SAMD11: variants seen among roughly 807,000 people sequenced by gnomAD.
The protein encoded by SAMD11 is sterile alpha motif domain-containing protein 11.
A neutral mutation model predicts 64.4 loss-of-function variants in SAMD11; 77 were observed. That is an observed-to-expected ratio of 1.20 (90% confidence interval 0.99 to 1.44). The LOEUF (loss-of-function observed/expected upper bound fraction) is 1.44, where lower values mean the gene tolerates loss of function less well. SAMD11 is among the 40% of genes most tolerant of loss of function. The pLI, the probability that SAMD11 is intolerant of heterozygous loss-of-function variation, is 0.00. For synonymous variants in SAMD11, 658 were observed against 421.9 expected (o/e 1.56, Z -6.86); for missense variants, 1,402 against 943.3 (o/e 1.49, Z -6.37).
Position 924,372 on chromosome 1 carries a change from C to T in SAMD11, c.-60C>T, listed in dbSNP as rs1174425133. The T allele has an allele frequency of 4.0e-5, 6 of 149,444 alleles. No individual in the cohort carries two copies. Among genetic ancestry groups the T allele is most frequent in the African/African-American group, 4.9e-5 (2 of 41,134 alleles). 9.3% of individuals were successfully genotyped at this position (149,444 alleles called of 1,614,324 possible). A position where few individuals can be genotyped will look rare whatever the true frequency, so the allele number is the denominator to read the frequency against. The stretch of plus-strand genomic sequence containing the variant: ...CGGCCCCCGCGACCCAACTCCAGCC[C>T]GGGCCGGAATAAGTTGCTGCCGCCG... On this transcript the variant is annotated 5_prime_UTR_variant, in exon 1 of 14. Transcript: ENST00000616016.
intron 11 of SAMD11, 94 bp downstream of exon 11, chr1:943,152 G>A (rs748333211): frequency 1.1e-5 from 17 of 1,586,492 alleles, no homozygotes; most frequent in South Asian, 2.3e-5. Context: ...TTCCCCTTAG[G>A]CACCCATCCC....
chr1:925,849 T>TA (rs1168211969), intron 1 of SAMD11, 73 bp from the exon 2 acceptor site: 1 of 1,057,926 alleles, frequency 9.5e-7, no homozygotes, highest in Admixed American at 1.7e-5. Context: ...GGGGAGGGGG[T>TA]ACTGGCCCTG....
intron 2 of SAMD11, among the ~76,000 whole-genome samples, chr1:927,685 A>G (rs1257899605): frequency 1.3e-5 from 2 of 152,244 alleles, no homozygotes; most frequent in African/African-American, 2.4e-5. Flanking sequence ...ATGAGTGTGT[A>G]TGTGCCTTGG....
chr1:942,051 T>C, intron 8 of SAMD11, 85 bp from the exon 9 acceptor site: 1 of 453,362 alleles, frequency 2.2e-6, no homozygotes, highest in Non-Finnish European at 3.9e-6. Context: ...GGCCGGCAAT[T>C]AGCGGAGGCG....
intron 2 of SAMD11, among the ~76,000 whole-genome samples, chr1:927,584 A>G (rs1640955206): frequency 2.0e-5 from 3 of 152,204 alleles, no homozygotes; most frequent in Non-Finnish European, 2.9e-5. Context: ...TCCAGCCCCC[A>G]TGTTTCTTAC....
Position 943,381 on chromosome 1 carries a change from AG to A in SAMD11, c.2178+11del, listed in dbSNP as rs35755565. On this transcript the variant is annotated splice_donor_5th_base_variant and intron_variant, in intron 12 of 13. Coordinates refer to ENST00000616016, the MANE Select transcript of SAMD11 (RefSeq NM_001385641.1). ...TGGCTGTGGAGAGTACACTCGGGTA[AG>A]GGGGGGCCCCAGTTCCTGGGGCGGG... 94 of 1,534,748 alleles carry A rather than the reference AG, an allele frequency of 6.1e-5. No homozygotes were observed. The highest frequency in any genetic ancestry group is 1.6e-4 in the South Asian group (13 of 79,986).
Position 944,451 on chromosome 1 carries a change from G to A in SAMD11, c.*298G>A. 1.1e-6 allele frequency: 1 copy of A among 886,928 alleles called. No homozygotes were observed. Among genetic ancestry groups the A allele is most frequent in the Non-Finnish European group, 1.6e-6 (1 of 625,008 alleles). The allele number at this position is 886,928 out of a possible 1,614,324, so 54.9% of individuals were successfully genotyped here. A position where few individuals can be genotyped will look rare whatever the true frequency, so the allele number is the denominator to read the frequency against. Reference sequence around the variant, plus strand: ...TCTCGGTCTGCTGACGTCAGGGTCAGCTCCCCCGCGGAGCTGACTTCAGCA... The same window carrying A: ...TCTCGGTCTGCTGACGTCAGGGTCAACTCCCCCGCGGAGCTGACTTCAGCA... On this transcript the variant is annotated 3_prime_UTR_variant, in exon 14 of 14. Coordinates refer to ENST00000616016, the MANE Select transcript of SAMD11 (RefSeq NM_001385641.1).
At chr1:943,494 G>C in intron 12 of SAMD11, 117 bp downstream of exon 12, 1 of 1,020,940 alleles carries the variant, frequency 9.8e-7, no homozygotes. Context: ...CCCAAAAGCA[G>C]TGCGCAGCAG....
intron 5 of SAMD11, among the ~76,000 whole-genome samples, chr1:937,703 GC>G (rs1367572227): frequency 6.6e-6 from 1 of 152,046 alleles, no homozygotes; most frequent in Non-Finnish European, 1.5e-5. Context: ...GGTGCCCCCC[GC>G]CGCCCGCCGG....
intron 7 of SAMD11, among the ~76,000 whole-genome samples, chr1:940,914 G>C (rs1557608645): frequency 6.6e-6 from 1 of 152,206 alleles, no homozygotes; most frequent in Non-Finnish European, 1.5e-5. Context: ...CAGGCACCCG[G>C]CTCCCCTTCG....
rs1023367421 is a variant in SAMD11 at position 943,065 on chromosome 1, A to AC, written c.2053+12dup. The AC allele has an allele frequency of 1.3e-6, 2 of 1,534,552 alleles. No homozygotes were observed. The highest frequency in any genetic ancestry group is 2.0e-5 in the Admixed American group (1 of 49,800). On this transcript the variant is annotated splice_region_variant and intron_variant, in intron 11 of 13. Coordinates refer to ENST00000616016, the MANE Select transcript of SAMD11 (RefSeq NM_001385641.1). ...AGCCCCTACTTCCACACAGGTGGGC[A>AC]CCCCCACACTCTAGATCCTTCCAGA...
intron 5 of SAMD11, among the ~76,000 whole-genome samples, chr1:937,132 G>A (rs922325915): frequency 2.0e-5 from 3 of 152,134 alleles, no homozygotes; most frequent in African/African-American, 7.2e-5. Flanking sequence ...GGTCTGGCCC[G>A]CTCCCCGGAG....
Position 944,410 on chromosome 1 carries a change from C to G in SAMD11, c.*257C>G. The G allele has an allele frequency of 8.6e-7, 1 of 1,161,548 alleles. No individual in the cohort carries two copies. Among genetic ancestry groups the G allele is most frequent in the Non-Finnish European group, 1.1e-6 (1 of 903,684 alleles). 72.0% of individuals were successfully genotyped at this position (1,161,548 alleles called of 1,614,324 possible). A position where few individuals can be genotyped will look rare whatever the true frequency, so the allele number is the denominator to read the frequency against. On this transcript the variant is annotated 3_prime_UTR_variant, in exon 14 of 14. Transcript: ENST00000616016. ...GGGCCAGGGGCCTGCAGGCCTCCCC[C>G]TGGAACTGGGACTGGTCTCGGTCTG...
At chr1:930,429 G>A in intron 3 of SAMD11, 93 bp downstream of exon 3, 1 of 1,340,642 alleles carries the variant, frequency 7.5e-7, no homozygotes, top group Non-Finnish European at 1.0e-6. Context: ...GTCCACACCG[G>A]CCTCCCACAC....
chr1:942,226 G>A lies in SAMD11; in HGVS notation c.1449G>A (p.Val483=). 2 of 1,351,862 alleles carry A rather than the reference G, an allele frequency of 1.5e-6. No individual in the cohort carries two copies. 83.7% of individuals were successfully genotyped at this position (1,351,862 alleles called of 1,614,324 possible). A position where few individuals can be genotyped will look rare whatever the true frequency, so the allele number is the denominator to read the frequency against. The change falls in exon 9 of 14, where the codon GTG becomes GTA. Residue 483 remains valine, a synonymous_variant. Transcript: ENST00000616016. ...GPHLRPPFLG[V]PSALCQTPGY... ...ATCTCAGGCCCCCCTTCCTGGGGGT[G>A]CCCTCGGCTCTGTGCCAGACCCCAG...
chr1:929,824 G>A (rs1303675553), intron 2 of SAMD11, among the ~76,000 whole-genome samples: 1 of 152,194 alleles, frequency 6.6e-6, no homozygotes, highest in Non-Finnish European at 1.5e-5. Context: ...CAAGGGCTGG[G>A]CCAACCAGGC....
intron 7 of SAMD11, among the ~76,000 whole-genome samples, chr1:939,671 G>T (rs577063649): frequency 1.3e-5 from 2 of 152,176 alleles, no homozygotes; most frequent in African/African-American, 4.8e-5. Flanking sequence ...TATATAGAGA[G>T]AAATGGAGTC....
chr1:929,814 C>T (rs1462893115), intron 2 of SAMD11, among the ~76,000 whole-genome samples: 1 of 152,182 alleles, frequency 6.6e-6, no homozygotes, highest in African/African-American at 2.4e-5. Flanking sequence ...CTAGCATCCT[C>T]AAGGGCTGGG....
In SAMD11 at chr1:942,400, T is replaced by G; in HGVS notation, c.1475-10T>G. On this transcript the variant is annotated splice_polypyrimidine_tract_variant and intron_variant, in intron 9 of 13. Coordinates refer to ENST00000616016, the MANE Select transcript of SAMD11 (RefSeq NM_001385641.1). ...ACCCCCCGACCCCGCGTTGTCCCCCTCCCCACCAGGCTACGGCTTCCTGCC... is the reference window on the plus strand; with the variant it reads ...ACCCCCCGACCCCGCGTTGTCCCCCGCCCCACCAGGCTACGGCTTCCTGCC... 5 of 1,087,248 alleles carry G rather than the reference T, an allele frequency of 4.6e-6. No homozygotes were observed. Among genetic ancestry groups the G allele is most frequent in the Non-Finnish European group, 6.2e-6 (5 of 805,458 alleles). The allele number at this position is 1,087,248 out of a possible 1,614,324, so 67.4% of individuals were successfully genotyped here.
Sources: allele counts gnomAD v4.1 joint callset (sites outside exome capture counted in the v4.1 genomes callset), GRCh38; gene constraint gnomAD v4.1.1; transcripts MANE v1.5; gene names NCBI Gene and HGNC (gene_info 2026-07-23, HGNC 2026-07-21).